Variants in SGPP1 observed in about 807,000 individuals in gnomAD.
SGPP1 encodes the protein sphingosine-1-phosphate phosphatase 1, also known as hSPP1.
Under a neutral mutation model 33.0 loss-of-function variants are expected in SGPP1, and 21 were observed. That is an observed-to-expected ratio of 0.64 (90% CI 0.45 to 0.92). The LOEUF (loss-of-function observed/expected upper bound fraction) is 0.92, where lower values mean the gene tolerates loss of function less well. Among genes scored for constraint, SGPP1 ranks in the 40% least tolerant of loss-of-function variants. The pLI is 0.00. For synonymous variants in SGPP1, 239 were observed against 241.2 expected (o/e 0.99, Z 0.08); for missense variants, 543 against 589.4 (o/e 0.92, Z 0.81).
At position 63,686,386 on chromosome 14, in the gene SGPP1, T is replaced by C. The variant is rs755168349; in HGVS notation, c.1045A>G (p.Thr349Ala). Residue 349 changes from threonine (T) to alanine (A), a missense_variant, in exon 3 of 3, where the codon ACA becomes GCA. Coordinates refer to ENST00000247225, the MANE Select transcript of SGPP1 (RefSeq NM_030791.4). ...ATGGGGGGCCCAGCTAAAGGTAATG[T>C]ATCTAGAGAAGGATCTAATACTAGA... ...MGLVLDPSLD[T>A]LPLAGPPITV... 6.2e-7 allele frequency: 1 copy of C among 1,614,182 alleles called. No homozygotes were observed.
intron 2 of SGPP1, among the ~76,000 whole-genome samples, chr14:63,697,306 A>C (rs1442477647): frequency 6.6e-6 from 1 of 152,168 alleles, no homozygotes; most frequent in Non-Finnish European, 1.5e-5. Flanking sequence ...GCTGGAAGCA[A>C]GAAATTTGAG....
At chr14:63,726,179 T>A (rs1013131127) in intron 1 of SGPP1, among the ~76,000 whole-genome samples, 13 of 152,336 alleles carry the variant, frequency 8.5e-5, no homozygotes, top group African/African-American at 3.1e-4. Context: ...GTGGGATAAG[T>A]AAGCTTATCA....
At position 63,727,583 on chromosome 14, in the gene SGPP1, G is replaced by C; in HGVS notation, c.362C>G (p.Ala121Gly). The C allele has an allele frequency of 6.3e-7, 1 of 1,591,308 alleles. No individual in the cohort carries two copies. The highest frequency in any genetic ancestry group is 8.5e-7 in the Non-Finnish European group (1 of 1,171,086). The change falls in exon 1 of 3, where the codon GCC becomes GGC. Residue 121 changes from alanine to glycine, a missense_variant. Ala to Gly is a moderately conservative substitution (Grantham distance 60, BLOSUM62 0). Transcript: ENST00000247225. ...NSLTGEEGQLARVSNWPLYCL... is the reference protein window; with the variant it reads ...NSLTGEEGQLGRVSNWPLYCL... The stretch of plus-strand genomic sequence containing the variant: ...GTAGAGCGGCCAGTTGCTCACGCGG[G>C]CCAGCTGGCCCTCCTCGCCCGTCAG...
intron 1 of SGPP1, among the ~76,000 whole-genome samples, chr14:63,721,967 A>T (rs183184225): frequency 9.2e-5 from 14 of 152,352 alleles, no homozygotes; most frequent in African/African-American, 3.4e-4. Flanking sequence ...TATTTCAAAA[A>T]TAATATTACT....
At chr14:63,702,029 G>A (rs1369654359) in intron 1 of SGPP1, among the ~76,000 whole-genome samples, 1 of 148,702 alleles carries the variant, frequency 6.7e-6, no homozygotes, top group African/African-American at 2.5e-5. Flanking sequence ...AAGTAGAAAT[G>A]TACAAAATTA....
At position 63,727,492 on chromosome 14, in the gene SGPP1, C is replaced by A; in HGVS notation, c.453G>T (p.Trp151Cys). 6.2e-7 allele frequency: 1 copy of A among 1,614,172 alleles called. No individual in the cohort carries two copies. Among genetic ancestry groups the A allele is most frequent in the Non-Finnish European group, 8.5e-7 (1 of 1,180,022 alleles). The change falls in exon 1 of 3, where the codon TGG becomes TGT. Residue 151 changes from tryptophan to cysteine, a missense_variant. Physicochemically the swap from Trp to Cys is radical, Grantham distance 215. Coordinates refer to ENST00000247225, the MANE Select transcript of SGPP1 (RefSeq NM_030791.4). Reference protein sequence around the residue: ...ELFYILFFPFWIWNLDPLVGR... With the variant: ...ELFYILFFPFCIWNLDPLVGR... The stretch of plus-strand genomic sequence containing the variant: ...CCACCAGAGGGTCCAGGTTCCAGAT[C>A]CAGAAGGGGAAGAACAGGATGTAGA...
chr14:63,709,619 T>C (rs1409928868), intron 1 of SGPP1, among the ~76,000 whole-genome samples: 2 of 152,196 alleles, frequency 1.3e-5, no homozygotes, highest in African/African-American at 4.8e-5. Flanking sequence ...ATCTGTGGCA[T>C]TTATGTATTT....
chr14:63,705,415 C>T (rs1263036608), intron 1 of SGPP1, among the ~76,000 whole-genome samples: 2 of 151,268 alleles, frequency 1.3e-5, no homozygotes, highest in South Asian at 2.1e-4. Context: ...CACTTGTAAT[C>T]CCAGCACTTT....
intron 1 of SGPP1, among the ~76,000 whole-genome samples, chr14:63,716,595 A>G (rs1488981723): frequency 6.6e-6 from 1 of 152,106 alleles, no homozygotes; most frequent in Non-Finnish European, 1.5e-5. Flanking sequence ...CTGGATGCTG[A>G]GGCAGGAGGT....
chr14:63,714,527 C>T (rs2139649286), intron 1 of SGPP1, among the ~76,000 whole-genome samples: 1 of 152,176 alleles, frequency 6.6e-6, no homozygotes, highest in East Asian at 1.9e-4. Context: ...CTCAAGTGAT[C>T]CTCCCACCTC....
chr14:63,702,540 T>C (rs907007209), intron 1 of SGPP1, among the ~76,000 whole-genome samples: 3 of 152,032 alleles, frequency 2.0e-5, no homozygotes, highest in African/African-American at 4.8e-5. Context: ...TGAAACCTTG[T>C]CTCTACTAAA....
intron 1 of SGPP1, among the ~76,000 whole-genome samples, chr14:63,701,545 G>A (rs1885300034): frequency 6.6e-6 from 1 of 152,042 alleles, no homozygotes; most frequent in Non-Finnish European, 1.5e-5. Flanking sequence ...ATACTAGGCA[G>A]GCGAATCAGT....
At position 63,703,010 on chromosome 14, in the gene SGPP1, A is replaced by G. The variant is rs138461363; in HGVS notation, c.685-4352T>C. On this transcript the variant is annotated intron_variant, in intron 1 of 2. Transcript: ENST00000247225. ...TTGACTACTATCCACAGTTTCAGGC[A>G]CCAATGGGGGTCGTGGAACATATCC... Among the ~76,000 whole-genome samples the G allele has an allele frequency of 1.7e-4, 26 of 152,342 alleles. No homozygotes were observed. In the East Asian group the frequency reaches 4.8e-3, roughly 28 times the overall value.
At chr14:63,699,895 C>A (rs1471435895) in intron 1 of SGPP1, among the ~76,000 whole-genome samples, 1 of 152,088 alleles carries the variant, frequency 6.6e-6, no homozygotes, top group Non-Finnish European at 1.5e-5. Context: ...AAGAGCGTAT[C>A]TTCCTCTTTT....
Position 63,685,682 on chromosome 14 carries a change from T to G in SGPP1, c.*423A>C, listed in dbSNP as rs1566815362. The G allele has an allele frequency of 6.6e-6, 1 of 151,876 alleles. No individual in the cohort carries two copies. The highest frequency in any genetic ancestry group is 1.5e-5 in the Non-Finnish European group (1 of 67,888). 9.4% of individuals were successfully genotyped at this position (151,876 alleles called of 1,614,324 possible). On this transcript the variant is annotated 3_prime_UTR_variant, in exon 3 of 3. Transcript: ENST00000247225. ...CTGTTAATAACAACATACCTGTATG[T>G]AGTTCAAATACACAGGCACAACTGT...
intron 1 of SGPP1, among the ~76,000 whole-genome samples, chr14:63,699,034 A>G (rs761257008): frequency 3.3e-5 from 5 of 152,216 alleles, no homozygotes; most frequent in Non-Finnish European, 7.3e-5. Context: ...AATCTGGTCC[A>G]TGTAAATGTC....
intron 1 of SGPP1, among the ~76,000 whole-genome samples, chr14:63,724,586 C>CT (rs1257130320): frequency 8.9e-6 from 1 of 111,998 alleles, no homozygotes; most frequent in African/African-American, 3.6e-5. Context: ...AAGGAAGGTA[C>CT]TTTTGTTTTC....
At chr14:63,719,209 T>C (rs1417236228) in intron 1 of SGPP1, among the ~76,000 whole-genome samples, 1 of 150,374 alleles carries the variant, frequency 6.7e-6, no homozygotes, top group East Asian at 1.9e-4. Flanking sequence ...GTATTTTTAG[T>C]AGAGACAGGG....
chr14:63,727,796 G>C lies in SGPP1; in HGVS notation c.149C>G (p.Ala50Gly), dbSNP rs1226586190. The C allele has an allele frequency of 8.6e-6, 13 of 1,505,670 alleles. No individual in the cohort carries two copies. Among genetic ancestry groups the C allele is most frequent in the Non-Finnish European group, 1.1e-5 (12 of 1,133,778 alleles). 93.3% of individuals were successfully genotyped at this position (1,505,670 alleles called of 1,614,324 possible). Residue 50 changes from alanine (A) to glycine (G), a missense_variant, in exon 1 of 3, where the codon GCC (alanine) becomes GGC (glycine). Transcript: ENST00000247225. ...REDEKAEAPLAGDPRLRGRQP... is the reference protein window; with the variant it reads ...REDEKAEAPLGGDPRLRGRQP... ...CCGCCCTCGCAGTCGAGGGTCTCCG[G>C]CGAGAGGCGCCTCCGCTTTCTCATC...
Sources: allele counts gnomAD v4.1 joint callset (sites outside exome capture counted in the v4.1 genomes callset), GRCh38; gene constraint gnomAD v4.1.1; transcripts MANE v1.5; gene names NCBI Gene and HGNC (gene_info 2026-07-23, HGNC 2026-07-21).